The following ACTN4 variants were observed in gnomAD, a reference collection of about 807,000 sequenced individuals.
ACTN4 encodes the protein alpha-actinin-4.
A neutral mutation model predicts 114.2 loss-of-function variants in ACTN4; 18 were observed. The observed-to-expected ratio is 0.16, with a 90% CI of 0.11 to 0.23. The LOEUF (loss-of-function observed/expected upper bound fraction) is 0.23, where lower values mean the gene tolerates loss of function less well. Among genes scored for constraint, ACTN4 ranks in the 10% least tolerant of loss-of-function variants. ACTN4 has a pLI of 1.00. For synonymous variants in ACTN4, 515 were observed against 506.3 expected (o/e 1.02, Z -0.23); for missense variants, 722 against 1,262.9 (o/e 0.57, Z 6.49).
At chr19:38,700,552 C>T (rs1968237572) in intron 1 of ACTN4, 48 bp from the exon 2 acceptor site, 2 of 1,533,900 alleles carry the variant, frequency 1.3e-6, no homozygotes, top group Admixed American at 1.7e-5. Context: ...GAGAGAGCCC[C>T]GACAGCCAGG....
intron 3 of ACTN4, among the ~76,000 whole-genome samples, chr19:38,703,642 T>C (rs1043789693): frequency 6.6e-6 from 1 of 152,190 alleles, no homozygotes. Context: ...TGTTCCTCAC[T>C]GGCCTTCCAG....
chr19:38,654,448 G>A (rs1039944270), intron 1 of ACTN4, among the ~76,000 whole-genome samples: 2 of 151,804 alleles, frequency 1.3e-5, no homozygotes, highest in African/African-American at 2.4e-5. Flanking sequence ...TGTAATCCCA[G>A]CTACTGGGGA....
chr19:38,708,095 A>ATAT (rs1290684521), intron 5 of ACTN4, 22 bp from the exon 6 acceptor site: 9 of 1,613,702 alleles, frequency 5.6e-6, no homozygotes, highest in Non-Finnish European at 7.6e-6. Flanking sequence ...CCCTCCTATA[A>ATAT]CCTTTGCCTT....
intron 11 of ACTN4, among the ~76,000 whole-genome samples, chr19:38,718,886 G>C (rs1241082380): frequency 6.6e-6 from 1 of 152,214 alleles, no homozygotes; most frequent in Non-Finnish European, 1.5e-5. Context: ...GGCTAGAGGA[G>C]GGCCTGCCTC....
chr19:38,674,422 G>T (rs35691365), intron 1 of ACTN4, among the ~76,000 whole-genome samples: 8,892 of 152,264 alleles, frequency 0.058, 282 homozygotes, highest in South Asian at 0.11. Context: ...TTTATTGCGT[G>T]CTAGTCACTG....
Position 38,681,828 on chromosome 19 carries a change from C to CT in ACTN4, c.163-18763dup, listed in dbSNP as rs1025996236. Among the ~76,000 whole-genome samples the CT allele has an allele frequency of 1.6e-4, 24 of 151,688 alleles. No individual in the cohort carries two copies. In the East Asian group the frequency reaches 1.9e-3, roughly 12 times the overall value. ...CTGAAGGCAGGTTTCAACTTTCAATCTTTTTTTTTGTTTTTTGGGTGAGAT... is the reference window on the plus strand; with the variant it reads ...CTGAAGGCAGGTTTCAACTTTCAATCTTTTTTTTTTGTTTTTTGGGTGAGAT... On this transcript the variant is annotated intron_variant, in intron 1 of 20. Transcript: ENST00000252699.
intron 9 of ACTN4, among the ~76,000 whole-genome samples, chr19:38,716,378 T>C (rs1379823896): frequency 6.6e-6 from 1 of 152,284 alleles, no homozygotes; most frequent in Non-Finnish European, 1.5e-5. Flanking sequence ...CTTGTCGGCC[T>C]TGCCCTTGAG....
intron 1 of ACTN4, among the ~76,000 whole-genome samples, chr19:38,661,062 C>T (rs1976871310): frequency 6.6e-6 from 1 of 152,160 alleles, no homozygotes; most frequent in African/African-American, 2.4e-5. Context: ...AGCAGAAAGG[C>T]CCGAGTGGTC....
At chr19:38,696,388 G>A (rs1298307119) in intron 1 of ACTN4, among the ~76,000 whole-genome samples, 1 of 152,118 alleles carries the variant, frequency 6.6e-6, no homozygotes, top group Non-Finnish European at 1.5e-5. Flanking sequence ...TTTGCATGGT[G>A]GAGGGCGGCG....
intron 1 of ACTN4, 113 bp downstream of exon 1, chr19:38,648,020 C>G (rs372441621): frequency 8.0e-7 from 1 of 1,250,844 alleles, no homozygotes; most frequent in Non-Finnish European, 1.0e-6. Flanking sequence ...GGGGGGGTCC[C>G]GAGAAGGAAT....
chr19:38,728,056 G>T (rs375448440), intron 19 of ACTN4, 30 bp downstream of exon 19: 19 of 1,585,786 alleles, frequency 1.2e-5, no homozygotes, highest in Admixed American at 1.8e-5. Context: ...AGCGGACCAT[G>T]GCATTAACTG....
chr19:38,725,917 C>T lies in ACTN4; in HGVS notation c.2190+14C>T, dbSNP rs774483418. ...TATACCATGGAGGTGCGCGGCTGCCCCGCCCGCTGGCCTTTCCACCAGCAT... is the reference window on the plus strand; with the variant it reads ...TATACCATGGAGGTGCGCGGCTGCCTCGCCCGCTGGCCTTTCCACCAGCAT... On this transcript the variant is annotated intron_variant, in intron 17 of 20. Transcript: ENST00000252699. 17 of 1,613,220 alleles carry T rather than the reference C, an allele frequency of 1.1e-5. No homozygotes were observed. Among genetic ancestry groups the T allele is most frequent in the African/African-American group, 2.7e-5 (2 of 74,924 alleles).
At chr19:38,648,023 G>A (rs1976439904) in intron 1 of ACTN4, 116 bp downstream of exon 1, 1 of 1,241,614 alleles carries the variant, frequency 8.1e-7, no homozygotes, top group Non-Finnish European at 1.0e-6. Flanking sequence ...GGGGTCCCGA[G>A]AAGGAATTGG....
chr19:38,690,569 GAA>G (rs957276623), intron 1 of ACTN4, among the ~76,000 whole-genome samples: 7 of 152,196 alleles, frequency 4.6e-5, no homozygotes, highest in Admixed American at 1.3e-4. Context: ...TTAGGTCAGA[GAA>G]CAAAAGGCTT....
At chr19:38,718,186 C>G in intron 11 of ACTN4, 112 bp downstream of exon 11, 1 of 1,518,102 alleles carries the variant, frequency 6.6e-7, no homozygotes, top group Non-Finnish European at 8.9e-7. Context: ...GGGTCTGTTT[C>G]TCAGGTGCCC....
chr19:38,709,387 C>A lies in ACTN4; in HGVS notation c.652-8C>A. The A allele has an allele frequency of 6.2e-7, 1 of 1,612,640 alleles. No homozygotes were observed. Among genetic ancestry groups the A allele is most frequent in the Non-Finnish European group, 8.5e-7 (1 of 1,178,668 alleles). ...GAGTTCTTGTTGTCCCCACTTGCCTCCTTCTAGGACGACCCTGTCACCAAC... is the reference window on the plus strand; with the variant it reads ...GAGTTCTTGTTGTCCCCACTTGCCTACTTCTAGGACGACCCTGTCACCAAC... On this transcript the variant is annotated splice_polypyrimidine_tract_variant and splice_region_variant and intron_variant, in intron 6 of 20. Coordinates refer to ENST00000252699, the MANE Select transcript of ACTN4 (RefSeq NM_004924.6).
At chr19:38,701,958 A>G (rs1192777947) in intron 3 of ACTN4, among the ~76,000 whole-genome samples, 3 of 152,230 alleles carry the variant, frequency 2.0e-5, no homozygotes, top group Non-Finnish European at 2.9e-5. Context: ...CTGAGTTCCA[A>G]GGCTCTGCCC....
chr19:38,677,555 A>G lies in ACTN4; in HGVS notation c.163-23045A>G, dbSNP rs143412236. Among the ~76,000 whole-genome samples the G allele has an allele frequency of 1.4e-4, 22 of 152,020 alleles. No individual in the cohort carries two copies. The East Asian group carries it at 4.3e-3, about 30-fold the overall frequency. On this transcript the variant is annotated intron_variant, in intron 1 of 20. Transcript: ENST00000252699. ...TGGTCCATCCTCTGAGGACAAGGGT[A>G]TCATGACCGCCCAGGCCCCACTCAC...
In ACTN4 at chr19:38,729,418, G is replaced by C; in HGVS notation, c.2722G>C (p.Glu908Gln). ...YKSFSTALYG[E>Q]SDL Reference sequence around the variant, plus strand: ...GTCCTTCTCCACGGCCTTGTATGGCGAGAGCGACCTGTGAGGCCCCAGAGA... The same window carrying C: ...GTCCTTCTCCACGGCCTTGTATGGCCAGAGCGACCTGTGAGGCCCCAGAGA... Residue 908 changes from glutamate (E) to glutamine (Q), a missense_variant, in exon 21 of 21, where the codon GAG becomes CAG. Coordinates refer to ENST00000252699, the MANE Select transcript of ACTN4 (RefSeq NM_004924.6). The C allele has an allele frequency of 3.1e-6, 5 of 1,612,824 alleles. No homozygotes were observed. In the East Asian group the frequency reaches 1.1e-4, roughly 36 times the overall value.
Sources: allele counts gnomAD v4.1 joint callset (sites outside exome capture counted in the v4.1 genomes callset), GRCh38; gene constraint gnomAD v4.1.1; transcripts MANE v1.5; gene names NCBI Gene and HGNC (gene_info 2026-07-23, HGNC 2026-07-21).